NHS: variants seen among roughly 807,000 people sequenced by gnomAD.
The protein encoded by NHS is NHS actin remodeling regulator.
NHS carries 5 observed loss-of-function variants against 72.5 expected under a neutral mutation model. The observed-to-expected ratio is 0.07, with a 90% CI of 0.04 to 0.14. The LOEUF is 0.14. NHS is among the 10% of genes least tolerant of loss of function. The probability of loss-of-function intolerance (pLI) is 1.00; values close to 1 mark genes in which losing one functional copy is unlikely to be tolerated. For missense variants in NHS, 1,072 were observed against 1,355.7 expected, an observed-to-expected ratio of 0.79 and a Z score of 3.29; for synonymous variants, 464 against 547.7, an observed-to-expected ratio of 0.85 and a Z score of 2.13.
intron 1 of NHS, among the ~76,000 whole-genome samples, chrX:17,661,445 C>T (rs1386009456): frequency 9.2e-6 from 1 of 109,190 alleles, no homozygotes; most frequent in African/African-American, 3.3e-5. Context: ...CCCTGACAGG[C>T]CCCGGTGTGT....
chrX:17,617,449 T>C (rs2065752547), intron 1 of NHS, among the ~76,000 whole-genome samples: 1 of 112,668 alleles, frequency 8.9e-6, no homozygotes, highest in African/African-American at 3.2e-5. Flanking sequence ...CCAAATAGCA[T>C]ATTTTCCAAA....
intron 1 of NHS, among the ~76,000 whole-genome samples, chrX:17,528,072 G>A (rs1021641526): frequency 8.9e-6 from 1 of 111,897 alleles, no homozygotes; most frequent in African/African-American, 3.3e-5. Flanking sequence ...CTTGTTTTCT[G>A]TGGCTTTTGT....
intron 1 of NHS, among the ~76,000 whole-genome samples, chrX:17,484,016 C>T (rs1264663601): frequency 2.7e-5 from 3 of 112,048 alleles, no homozygotes; most frequent in African/African-American, 9.7e-5. Context: ...TGGTCCTATT[C>T]CATTGGTGTG....
chrX:17,391,474 C>T (rs1287467589), intron 1 of NHS, among the ~76,000 whole-genome samples: 2 of 111,948 alleles, frequency 1.8e-5, no homozygotes, highest in Non-Finnish European at 3.8e-5. Flanking sequence ...TGGGCTAATA[C>T]ATGTAAGCCA....
At chrX:17,696,773 C>G (rs2066233470) in intron 3 of NHS, among the ~76,000 whole-genome samples, 1 of 111,166 alleles carries the variant, frequency 9.0e-6, no homozygotes, top group Admixed American at 9.5e-5. Context: ...TTATTTCCTC[C>G]AAAAATGATA....
chrX:17,525,844 G>A (rs1408593564), intron 1 of NHS, among the ~76,000 whole-genome samples: 2 of 110,789 alleles, frequency 1.8e-5, no homozygotes, highest in African/African-American at 6.6e-5. Context: ...TATAACACTG[G>A]TTGTTACAGT....
chrX:17,635,396 G>C (rs1439591480), intron 1 of NHS: 2 of 1,156,136 alleles, frequency 1.7e-6, no homozygotes, highest in Non-Finnish European at 2.3e-6. Flanking sequence ...CAGCACAGAG[G>C]TTCTGTGAAA....
At position 17,732,098 on chromosome X, in the gene NHS, T is replaced by C. The variant is rs774020109; in HGVS notation, c.4590T>C (p.Ser1530=). The C allele has an allele frequency of 8.3e-6, 10 of 1,211,734 alleles. No individual in the cohort carries two copies. Among genetic ancestry groups the C allele is most frequent in the Non-Finnish European group, 1.1e-5 (10 of 895,530 alleles). ...LLLKKGSRSD[S]SYRMSATEIL... is the part of the protein sequence containing the mutation. Reference sequence around the variant, plus strand: ...TCAAGAAAGGCAGTCGCTCAGATTCTAGTTACCGCATGTCTGCCACTGAGA... The same window carrying C: ...TCAAGAAAGGCAGTCGCTCAGATTCCAGTTACCGCATGTCTGCCACTGAGA... The change falls in exon 9 of 9, where the codon TCT becomes TCC. Residue 1530 remains serine (S), a synonymous_variant. Transcript: ENST00000676302.
chrX:17,581,910 A>T (rs1182312174), intron 1 of NHS, among the ~76,000 whole-genome samples: 1 of 111,724 alleles, frequency 9.0e-6, no homozygotes, highest in Non-Finnish European at 1.9e-5. Flanking sequence ...TAGTGACGTT[A>T]ATCTCTCTTC....
intron 3 of NHS, among the ~76,000 whole-genome samples, chrX:17,703,771 A>T (rs1258113537): frequency 8.9e-6 from 1 of 112,353 alleles, no homozygotes; most frequent in South Asian, 3.7e-4. Flanking sequence ...TTTCCTTAAC[A>T]GTAATCTATT....
chrX:17,490,511 T>C (rs187356501), intron 1 of NHS, among the ~76,000 whole-genome samples: 1 of 112,443 alleles, frequency 8.9e-6, no homozygotes, highest in Non-Finnish European at 1.9e-5. Context: ...AGTAGCATGC[T>C]GTTTTGATTA....
intron 1 of NHS, among the ~76,000 whole-genome samples, chrX:17,633,877 TGAA>T (rs1190042689): frequency 1.8e-5 from 2 of 111,814 alleles, no homozygotes; most frequent in Admixed American, 9.5e-5. Context: ...ATTGGGGCCC[TGAA>T]GAAGATTTTT....
chrX:17,638,746 AG>A (rs780957076), intron 1 of NHS, among the ~76,000 whole-genome samples: 16 of 112,561 alleles, frequency 1.4e-4, no homozygotes, highest in Non-Finnish European at 2.1e-4. Flanking sequence ...TGGTGCACCT[AG>A]TAGATGCTCA....
At chrX:17,579,177 G>A (rs1381589462) in intron 1 of NHS, among the ~76,000 whole-genome samples, 2 of 112,025 alleles carry the variant, frequency 1.8e-5, no homozygotes, top group African/African-American at 3.2e-5. Flanking sequence ...GAAGTCTTGC[G>A]TTTTAAAGCA....
At chrX:17,580,877 G>A (rs942098495) in intron 1 of NHS, among the ~76,000 whole-genome samples, 1 of 112,389 alleles carries the variant, frequency 8.9e-6, no homozygotes, top group African/African-American at 3.2e-5. Context: ...CATGCATGTC[G>A]GGAACTCTCT....
chrX:17,550,928 C>T (rs2065332352), intron 1 of NHS, among the ~76,000 whole-genome samples: 1 of 111,289 alleles, frequency 9.0e-6, no homozygotes, highest in Non-Finnish European at 1.9e-5. Context: ...TGCAGCTGCA[C>T]TGGCTTCCTG....
In NHS at chrX:17,565,623, C is replaced by T. The variant is rs143289871; in HGVS notation, c.566-122119C>T. Among the ~76,000 whole-genome samples, 353 of 111,786 alleles carry T rather than the reference C, an allele frequency of 3.2e-3. 1 individual carries two copies. Among genetic ancestry groups the T allele is most frequent in the Admixed American group, 6.8e-3 (72 of 10,514 alleles). On this transcript the variant is annotated intron_variant, in intron 1 of 8. Transcript: ENST00000676302. Reference sequence around the variant, plus strand: ...GCCTTCACACCAGCCTTGCAGTGGGCACCATTCAATCACATTTTTCAGGAA... The same window carrying T: ...GCCTTCACACCAGCCTTGCAGTGGGTACCATTCAATCACATTTTTCAGGAA...
chrX:17,619,779 T>C (rs2147062218), intron 1 of NHS, among the ~76,000 whole-genome samples: 1 of 111,797 alleles, frequency 8.9e-6, no homozygotes, highest in East Asian at 2.8e-4. Flanking sequence ...AGATTTTTTT[T>C]CTCTGAGAAA....
At chrX:17,440,735 A>G (rs2064748502) in intron 1 of NHS, among the ~76,000 whole-genome samples, 1 of 111,879 alleles carries the variant, frequency 8.9e-6, no homozygotes, top group Admixed American at 9.5e-5. Flanking sequence ...GAAGGGGCGA[A>G]CTGGAAGGAG....
Sources: gnomAD v4.1 joint callset for allele counts (sites outside exome capture counted in the v4.1 genomes callset) on GRCh38, gnomAD v4.1.1 for gene constraint, MANE v1.5 for transcripts, NCBI Gene and HGNC (gene_info 2026-07-23, HGNC 2026-07-21) for gene names.